COL13A1: variants seen among roughly 807,000 people sequenced by gnomAD.
COL13A1 encodes the protein collagen type XIII alpha 1 chain.
Under a neutral mutation model 130.9 loss-of-function variants are expected in COL13A1, and 89 were observed. The observed-to-expected ratio is 0.68, with a 90% CI of 0.57 to 0.81. COL13A1 has a LOEUF of 0.81. Ranked by LOEUF, COL13A1 falls within the 30% of genes least tolerant of loss-of-function variation. The probability of loss-of-function intolerance (pLI) is 0.00; values close to 1 mark genes in which losing one functional copy is unlikely to be tolerated. For missense variants in COL13A1, 879 were observed against 934.6 expected (o/e 0.94, Z 0.78); for synonymous variants, 402 against 341.6 (o/e 1.18, Z -1.95).
rs568360076 is a variant in COL13A1, at chr10:69,816,490, G to A, written c.295-5879G>A. 5.3e-5 allele frequency among the ~76,000 whole-genome samples: 8 copies of A among 152,032 alleles called. No individual in the cohort carries two copies. The South Asian group carries it at 1.5e-3, about 28-fold the overall frequency. ...TGAAGAAAGGTATAGGTTGGAGGGCGTCATTCTGCATAGATGGCTTTGAAG... is the reference window on the plus strand; with the variant it reads ...TGAAGAAAGGTATAGGTTGGAGGGCATCATTCTGCATAGATGGCTTTGAAG... On this transcript the variant is annotated intron_variant, in intron 1 of 40. Transcript: ENST00000645393.
intron 1 of COL13A1, among the ~76,000 whole-genome samples, chr10:69,820,021 A>T (rs1845652845): frequency 6.6e-6 from 1 of 151,960 alleles, no homozygotes; most frequent in Non-Finnish European, 1.5e-5. Context: ...ACTTCCTCCA[A>T]ATACCGCATG....
chr10:69,928,671 CAGAGATGCCCT>C (rs2065697755), intron 27 of COL13A1, among the ~76,000 whole-genome samples: 1 of 152,186 alleles, frequency 6.6e-6, no homozygotes, highest in African/African-American at 2.4e-5. Context: ...AAAGGGCGAC[CAGAGATGCCCT>C]AGAGAGAAGG....
intron 37 of COL13A1, among the ~76,000 whole-genome samples, chr10:69,946,862 A>G (rs1831399757): frequency 6.6e-6 from 1 of 152,022 alleles, no homozygotes; most frequent in South Asian, 2.1e-4. Context: ...ATCTCGGCTC[A>G]CTGCAACCTC....
chr10:69,860,040 C>T (rs957657910), intron 2 of COL13A1, among the ~76,000 whole-genome samples: 3 of 152,192 alleles, frequency 2.0e-5, no homozygotes, highest in East Asian at 3.9e-4. Context: ...CCAGGACCAG[C>T]GGGACACCCA....
At chr10:69,881,864 G>A (rs182109193) in intron 7 of COL13A1, among the ~76,000 whole-genome samples, 1 of 152,362 alleles carries the variant, frequency 6.6e-6, no homozygotes, top group East Asian at 1.9e-4. Flanking sequence ...CAGAGAGGCT[G>A]AGTGACTTGC....
At chr10:69,909,220 C>T (rs10999026) in intron 17 of COL13A1, among the ~76,000 whole-genome samples, 3,253 of 152,292 alleles carry the variant, frequency 0.021, 137 homozygotes, top group African/African-American at 0.075. Flanking sequence ...TTGTCAGAAG[C>T]ATCCCCACTC....
intron 34 of COL13A1, among the ~76,000 whole-genome samples, chr10:69,940,607 G>C (rs896012908): frequency 1.8e-4 from 28 of 152,194 alleles, no homozygotes; most frequent in African/African-American, 6.0e-4. Context: ...AGGGTGCACA[G>C]CTCTGATTCC....
intron 39 of COL13A1, chr10:69,956,015 C>T (rs1364986478): frequency 6.6e-6 from 1 of 152,204 alleles, no homozygotes; most frequent in East Asian, 1.9e-4. Flanking sequence ...TGACGTCAGA[C>T]CAGGGCAGCA....
chr10:69,917,994 G>GC (rs2064138714), intron 18 of COL13A1, among the ~76,000 whole-genome samples: 1 of 150,934 alleles, frequency 6.6e-6, no homozygotes, highest in South Asian at 2.1e-4. Flanking sequence ...CCCATCTAGT[G>GC]CCCCACAGTC....
At chr10:69,813,870 C>T (rs796929577) in intron 1 of COL13A1, among the ~76,000 whole-genome samples, 24 of 152,336 alleles carry the variant, frequency 1.6e-4, no homozygotes, top group African/African-American at 5.5e-4. Context: ...CAGCCAGGTC[C>T]TGCCTCTGTA....
At chr10:69,886,694 C>T (rs962224198) in intron 7 of COL13A1, among the ~76,000 whole-genome samples, 4 of 152,208 alleles carry the variant, frequency 2.6e-5, no homozygotes, top group Non-Finnish European at 4.4e-5. Flanking sequence ...ACCACCTGGC[C>T]ATCCCTCCTC....
intron 16 of COL13A1, among the ~76,000 whole-genome samples, chr10:69,905,375 G>T (rs1223071766): frequency 6.6e-6 from 1 of 152,186 alleles, no homozygotes; most frequent in Non-Finnish European, 1.5e-5. Context: ...TGTCAAACAG[G>T]CTCTCCCTTT....
chr10:69,871,125 G>A (rs2059026528), intron 3 of COL13A1, among the ~76,000 whole-genome samples: 1 of 152,038 alleles, frequency 6.6e-6, no homozygotes, highest in African/African-American at 2.4e-5. Flanking sequence ...CCACTTCTCA[G>A]CCCACTCTGT....
chr10:69,813,889 C>T (rs755380153), intron 1 of COL13A1, among the ~76,000 whole-genome samples: 1 of 152,180 alleles, frequency 6.6e-6, no homozygotes, highest in Non-Finnish European at 1.5e-5. Context: ...TACCTCCTCA[C>T]GGAAATGCCC....
rs772457107 is a variant in COL13A1 at position 69,802,666 on chromosome 10, G to A, written c.243G>A (p.Glu81=). The change falls in exon 1 of 41, where the codon GAG becomes GAA. Residue 81 remains glutamate (E), a synonymous_variant. Coordinates refer to ENST00000645393, the MANE Select transcript of COL13A1 (RefSeq NM_001368882.1). ...TGCGCCTGGAAGCGGAGCGCGGGGA[G>A]CAGCAAATGGAGACGGCTATTTTGG... The part of the protein sequence containing the change: ...RVLRLEAERG[E]QQMETAILGR... The A allele has an allele frequency of 5.0e-6, 8 of 1,613,534 alleles. No homozygotes were observed. The South Asian group carries it at 8.8e-5, about 18-fold the overall frequency.
intron 2 of COL13A1, among the ~76,000 whole-genome samples, chr10:69,854,775 G>T (rs929031207): frequency 1.3e-5 from 2 of 152,118 alleles, no homozygotes; most frequent in Admixed American, 1.3e-4. Flanking sequence ...AGTTATGTCT[G>T]CCATGGGTCC....
intron 3 of COL13A1, 49 bp from the exon 4 acceptor site, chr10:69,872,135 G>A (rs767834207): frequency 2.5e-6 from 4 of 1,611,588 alleles, no homozygotes; most frequent in Non-Finnish European, 3.4e-6. Flanking sequence ...TCAACAGTTA[G>A]GTGTTACGAT....
At chr10:69,846,209 T>G (rs1422065545) in intron 2 of COL13A1, among the ~76,000 whole-genome samples, 2 of 152,130 alleles carry the variant, frequency 1.3e-5, no homozygotes, top group African/African-American at 4.8e-5. Context: ...AGCCCAGCCC[T>G]CGGTAACAAG....
intron 35 of COL13A1, among the ~76,000 whole-genome samples, chr10:69,943,784 G>A (rs962943780): frequency 1.3e-4 from 20 of 152,192 alleles, no homozygotes; most frequent in African/African-American, 4.6e-4. Flanking sequence ...GCCAGCCCCC[G>A]GCCCCTGCCC....
Sources: allele counts gnomAD v4.1 joint callset (sites outside exome capture counted in the v4.1 genomes callset), GRCh38; gene constraint gnomAD v4.1.1; transcripts MANE v1.5; gene names NCBI Gene and HGNC (gene_info 2026-07-23, HGNC 2026-07-21).